Variants in APELA observed in about 807,000 individuals in gnomAD.
The protein encoded by APELA is protein Elabela.
At chr4:164,881,410 A>G (rs60792788) in intron 2 of APELA, among the ~76,000 whole-genome samples, 3,060 of 152,282 alleles carry the variant, frequency 0.02, 93 homozygotes, top group African/African-American at 0.069. Flanking sequence ...CTTTTAATAG[A>G]AATGTCATAT....
At chr4:164,880,112 C>T (rs1730629479) in intron 2 of APELA, among the ~76,000 whole-genome samples, 1 of 152,204 alleles carries the variant, frequency 6.6e-6, no homozygotes, top group African/African-American at 2.4e-5. Context: ...AAAAATGCCA[C>T]AGAAATATCC....
rs5863729 is a variant in APELA at position 164,884,121 on chromosome 4, G to GAAAGAAAGAAAGAAAGAA, written c.*1+5113_*1+5114insAAGAAAGAAAGAAAGAAA. 2.0e-3 allele frequency among the ~76,000 whole-genome samples: 224 copies of GAAAGAAAGAAAGAAAGAA among 113,374 alleles called. 6 individuals are homozygous for GAAAGAAAGAAAGAAAGAA. The highest frequency in any genetic ancestry group is 2.5e-3 in the African/African-American group (68 of 26,786). 74.4% of individuals were successfully genotyped at this position (113,374 alleles called of 152,430 possible). Reference sequence around the variant, plus strand: ...AGAAAGAATGAAAGAAAGAAAGAAAGAGAAAGAAAGAAAGAAAGAAAGAAA... The same window carrying GAAAGAAAGAAAGAAAGAA: ...AGAAAGAATGAAAGAAAGAAAGAAAGAAAGAAAGAAAGAAAGAAAGAAAGAAAGAAAGAAAGAAAGAAA... On this transcript the variant is annotated intron_variant, in intron 2 of 2. Transcript: ENST00000507152.
intron 2 of APELA, among the ~76,000 whole-genome samples, chr4:164,886,957 C>T (rs957678038): frequency 2.0e-5 from 3 of 152,104 alleles, no homozygotes; most frequent in Admixed American, 1.3e-4. Flanking sequence ...TCCCAAGTAG[C>T]TGGGATTACA....
intron 2 of APELA, among the ~76,000 whole-genome samples, chr4:164,891,096 G>T (rs547401012): frequency 6.6e-6 from 1 of 151,710 alleles, no homozygotes; most frequent in East Asian, 1.9e-4. Flanking sequence ...TGAGCTGTAA[G>T]ATATATATAT....
downstream of APELA, among the ~76,000 whole-genome samples, chr4:164,898,354 T>C (rs1212185823): frequency 6.6e-6 from 1 of 151,346 alleles, no homozygotes; most frequent in African/African-American, 2.4e-5. Context: ...ATACAAAAAT[T>C]AGCTGGGCGT....
At chr4:164,890,393 C>A (rs1465091766) in intron 2 of APELA, among the ~76,000 whole-genome samples, 1 of 152,130 alleles carries the variant, frequency 6.6e-6, no homozygotes, top group Admixed American at 6.5e-5. Flanking sequence ...CATTAGCAGG[C>A]ACTCCCCATT....
chr4:164,879,030 A>G (rs1730608504), intron 2 of APELA, 21 bp downstream of exon 2: 1 of 398,980 alleles, frequency 2.5e-6, no homozygotes, highest in Non-Finnish European at 4.4e-6. Flanking sequence ...CAGAAAATAG[A>G]TTCGCTACAT....
intron 2 of APELA, among the ~76,000 whole-genome samples, chr4:164,880,928 G>A (rs1317391331): frequency 6.6e-6 from 1 of 152,132 alleles, no homozygotes; most frequent in Non-Finnish European, 1.5e-5. Context: ...AAAACTGCTT[G>A]GGTGACAGCA....
At chr4:164,884,127 G>GAAAGAAAGAAAGA in intron 2 of APELA, among the ~76,000 whole-genome samples, 1 of 137,660 alleles carries the variant, frequency 7.3e-6, no homozygotes, top group South Asian at 2.3e-4. Flanking sequence ...GAAAGAGAAA[G>GAAAGAAAGAAAGA]AAAGAAAGAA....
In APELA at chr4:164,894,194, G is replaced by A. The variant is rs967400316; in HGVS notation, c.*2-1222G>A. The stretch of plus-strand genomic sequence containing the variant: ...AAAAAAATTAGCCAGGTGTCGTGGC[G>A]CACGCCTGTAATCCCAGCTACTTGG... On this transcript the variant is annotated intron_variant, in intron 2 of 2. Transcript: ENST00000507152. 3.9e-5 allele frequency among the ~76,000 whole-genome samples: 6 copies of A among 151,998 alleles called. No homozygotes were observed. The East Asian group carries it at 7.7e-4, about 20-fold the overall frequency.
At chr4:164,882,271 T>C (rs1018144942) in intron 2 of APELA, among the ~76,000 whole-genome samples, 2 of 151,914 alleles carry the variant, frequency 1.3e-5, no homozygotes, top group Non-Finnish European at 2.9e-5. Flanking sequence ...ACTCGGCTAA[T>C]TTTGTATTTT....
At chr4:164,879,069 A>G (rs1445415204) in intron 2 of APELA, 60 bp downstream of exon 2, 3 of 398,618 alleles carry the variant, frequency 7.5e-6, no homozygotes, top group African/African-American at 6.2e-5. Flanking sequence ...TAGATATACC[A>G]GGAAATGTTT....
intron 2 of APELA, among the ~76,000 whole-genome samples, chr4:164,880,955 T>C (rs74897777): frequency 0.1 from 15,871 of 152,218 alleles, 852 homozygotes; most frequent in Middle Eastern, 0.14. Context: ...TTCTCAGTTT[T>C]AGACTCGTTC....
chr4:164,880,695 G>T (rs1032371134), intron 2 of APELA, among the ~76,000 whole-genome samples: 4 of 152,132 alleles, frequency 2.6e-5, no homozygotes, highest in African/African-American at 9.7e-5. Flanking sequence ...AAGATACCTT[G>T]CAAAATATAA....
intron 2 of APELA, among the ~76,000 whole-genome samples, chr4:164,886,147 C>T (rs920544714): frequency 2.8e-5 from 4 of 144,980 alleles, no homozygotes; most frequent in African/African-American, 1.0e-4. Context: ...GATTTAGCCC[C>T]TAAAGCTTAA....
At chr4:164,883,033 G>T (rs748482188) in intron 2 of APELA, among the ~76,000 whole-genome samples, 11 of 152,066 alleles carry the variant, frequency 7.2e-5, no homozygotes, top group Non-Finnish European at 1.3e-4. Flanking sequence ...TTTGCTTCTA[G>T]TTTCCTATTT....
rs956995869 is a variant in APELA, at chr4:164,897,256, G to A, written c.*1842G>A. On this transcript the variant is annotated 3_prime_UTR_variant, in exon 3 of 3. Transcript: ENST00000507152. ...CAAAGCTTATTAAAAGTGTCTTTGCGGATGAATGGTACTTTCCACAAGTGC... is the reference window on the plus strand; with the variant it reads ...CAAAGCTTATTAAAAGTGTCTTTGCAGATGAATGGTACTTTCCACAAGTGC... The A allele has an allele frequency of 9.9e-5, 15 of 152,112 alleles. No individual in the cohort carries two copies. Among genetic ancestry groups the A allele is most frequent in the African/African-American group, 3.1e-4 (13 of 41,410 alleles). The allele number at this position is 152,112 out of a possible 1,614,324, so 9.4% of individuals were successfully genotyped here.
At chr4:164,889,106 C>T (rs537012684) in intron 2 of APELA, among the ~76,000 whole-genome samples, 2 of 151,574 alleles carry the variant, frequency 1.3e-5, no homozygotes, top group Non-Finnish European at 2.9e-5. Flanking sequence ...CGGGTTCAAG[C>T]GATTCTCCTG....
intron 2 of APELA, among the ~76,000 whole-genome samples, chr4:164,892,613 G>T (rs7349710): frequency 0.019 from 2,955 of 152,090 alleles, 47 homozygotes; most frequent in South Asian, 0.055. Flanking sequence ...TCTGATTTTG[G>T]TATTGGGTAA....
Sources: allele counts gnomAD v4.1 joint callset (sites outside exome capture counted in the v4.1 genomes callset), GRCh38; gene constraint gnomAD v4.1.1; transcripts MANE v1.5; gene names NCBI Gene and HGNC (gene_info 2026-07-23, HGNC 2026-07-21).